The following RBM44 variants were observed in gnomAD, a reference collection of about 807,000 sequenced individuals.
RBM44 encodes the protein RNA-binding protein 44.
RBM44 carries 66 observed loss-of-function variants against 105.1 expected under a neutral mutation model. The observed-to-expected ratio is 0.63, with a 90% confidence interval of 0.52 to 0.77. The LOEUF is 0.77. RBM44 is among the 30% of genes least tolerant of loss of function. The pLI, the probability that RBM44 is intolerant of heterozygous loss-of-function variation, is 0.00. For synonymous variants in RBM44, 365 were observed against 417.6 expected (o/e 0.87, Z 1.54); for missense variants, 1,122 against 1,207.8 (o/e 0.93, Z 1.05).
chr2:237,823,460 T>A lies in RBM44; in HGVS notation c.2226T>A (p.Asn742Lys). The change falls in exon 9 of 16, where the codon AAT becomes AAA. Residue 742 changes from asparagine to lysine, a missense_variant. Asn to Lys is a moderately conservative substitution (Grantham distance 94). This residue lies in a region of RBM44 where 918 missense variants were observed against 955.3 expected (regional missense o/e 0.96). Transcript: ENST00000316997. ...CTCAGATGTCTTTATCATCTGACAA[T>A]AGTCATGCTACACAAAACATATCAC... Reference protein sequence around the residue: ...TLSQMSLSSDNSHATQNISPK... With the variant: ...TLSQMSLSSDKSHATQNISPK... 1 of 1,500,980 alleles carries A rather than the reference T, an allele frequency of 6.7e-7. No homozygotes were observed. Among genetic ancestry groups the A allele is most frequent in the Non-Finnish European group, 9.1e-7 (1 of 1,102,464 alleles). The allele number at this position is 1,500,980 out of a possible 1,614,324, so 93.0% of individuals were successfully genotyped here. A position where few individuals can be genotyped will look rare whatever the true frequency, so the allele number is the denominator to read the frequency against.
At chr2:237,816,889 T>C in intron 2 of RBM44, 104 bp from the exon 3 acceptor site, 1 of 671,314 alleles carries the variant, frequency 1.5e-6, no homozygotes. Context: ...ATGTAAATTG[T>C]AATCCCGCAT....
At chr2:237,837,653 A>G (rs1253834504) in intron 15 of RBM44, among the ~76,000 whole-genome samples, 1 of 151,828 alleles carries the variant, frequency 6.6e-6, no homozygotes, top group Non-Finnish European at 1.5e-5. Flanking sequence ...GTGGATAAGC[A>G]AAGAAAGTGC....
chr2:237,836,295 A>G (rs565475967), intron 15 of RBM44, among the ~76,000 whole-genome samples: 3 of 152,128 alleles, frequency 2.0e-5, no homozygotes, highest in Admixed American at 6.5e-5. Flanking sequence ...TGTTTATAGC[A>G]TGGAGGTTTT....
rs1202366579 is a variant in RBM44, at chr2:237,841,138, T to A, written c.*23-701T>A. ...TGCATGTGCATATTTATCACAGCAC[T>A]ATTCACAATAGCAGAGACATGAAAT... is the stretch of plus-strand genomic sequence containing the variant. On this transcript the variant is annotated intron_variant, in intron 15 of 15. Coordinates refer to ENST00000316997, the MANE Select transcript of RBM44 (RefSeq NM_001080504.3). The surrounding 1 kb of genome is among the most constrained non-coding windows in gnomAD (Gnocchi z 4.5). Among the ~76,000 whole-genome samples the A allele has an allele frequency of 6.6e-6, 1 of 152,230 alleles. No homozygotes were observed. Among genetic ancestry groups the A allele is most frequent in the Non-Finnish European group, 1.5e-5 (1 of 68,046 alleles).
rs1397979438 is a variant in RBM44, at chr2:237,820,156, C to T, written c.1737-19C>T. On this transcript the variant is annotated intron_variant, in intron 4 of 15. Coordinates refer to ENST00000316997, the MANE Select transcript of RBM44 (RefSeq NM_001080504.3). ...AAAATGTTTGGAATCTTACCTGATCCTATCTTTTATTTTTAAAGGGAATTT... is the reference window on the plus strand; with the variant it reads ...AAAATGTTTGGAATCTTACCTGATCTTATCTTTTATTTTTAAAGGGAATTT... The T allele has an allele frequency of 7.5e-7, 1 of 1,333,720 alleles. No individual in the cohort carries two copies. The highest frequency in any genetic ancestry group is 1.0e-6 in the Non-Finnish European group (1 of 992,896). 82.6% of individuals were successfully genotyped at this position (1,333,720 alleles called of 1,614,324 possible).
intron 13 of RBM44, 141 bp from the exon 14 acceptor site, chr2:237,833,856 C>T (rs933810896): frequency 4.6e-6 from 2 of 431,750 alleles, no homozygotes; most frequent in Middle Eastern, 7.0e-4. Flanking sequence ...TTGGTATAAA[C>T]AATCCCAAGT....
At chr2:237,837,840 A>G (rs2061975053) in intron 15 of RBM44, among the ~76,000 whole-genome samples, 1 of 151,420 alleles carries the variant, frequency 6.6e-6, no homozygotes, top group Non-Finnish European at 1.5e-5. Flanking sequence ...GCAGTCTACT[A>G]CTGGTGAACA....
At position 237,834,077 on chromosome 2, in the gene RBM44, A is replaced by G; in HGVS notation, c.2967A>G (p.Thr989=). The stretch of plus-strand genomic sequence containing the variant: ...CCGTTCAATTCATACCTCCAAATAC[A>G]TTGAACCTTCGTAGCTTTACCAAGA... ...DTPVQFIPPN[T]LNLRSFTKII... The change falls in exon 14 of 16, where the codon ACA becomes ACG. Residue 989 remains threonine (T), a synonymous_variant. Coordinates refer to ENST00000316997, the MANE Select transcript of RBM44 (RefSeq NM_001080504.3). 6.3e-7 allele frequency: 1 copy of G among 1,582,726 alleles called. No homozygotes were observed. The highest frequency in any genetic ancestry group is 8.6e-7 in the Non-Finnish European group (1 of 1,162,294).
rs376580751 is a variant in RBM44 at position 237,817,618 on chromosome 2, A to C, written c.699A>C (p.Glu233Asp). Residue 233 changes from glutamate (E) to aspartate (D), a missense_variant, in exon 3 of 16, where the codon GAA becomes GAC. Transcript: ENST00000316997. ...GYEVKCASNVEDNRVNSGSGS... is the reference protein window; with the variant it reads ...GYEVKCASNVDDNRVNSGSGS... ...AAGTTAAATGTGCTAGCAATGTAGA[A>C]GATAATCGTGTTAACTCGGGAAGTG... The C allele has an allele frequency of 1.5e-4, 242 of 1,612,920 alleles. No individual in the cohort carries two copies. Among genetic ancestry groups the C allele is most frequent in the Non-Finnish European group, 1.9e-4 (225 of 1,179,460 alleles).
rs146944399 is a variant in RBM44 at position 237,800,749 on chromosome 2, G to T, written c.-19+1888G>T. 1.9e-4 allele frequency among the ~76,000 whole-genome samples: 28 copies of T among 144,484 alleles called. No individual in the cohort carries two copies. In the East Asian group the frequency reaches 5.7e-3, roughly 30 times the overall value. 94.8% of individuals were successfully genotyped at this position (144,484 alleles called of 152,430 possible). On this transcript the variant is annotated intron_variant, in intron 1 of 15. Coordinates refer to ENST00000316997, the MANE Select transcript of RBM44 (RefSeq NM_001080504.3). ...ATCCTTTTTTTTTTTTTTTTGAGGC[G>T]GAGTTTCACTCTTGTTTCCCAGGCT... is the stretch of plus-strand genomic sequence containing the variant.
chr2:237,809,497 A>AT (rs2061635044), intron 1 of RBM44, among the ~76,000 whole-genome samples: 1 of 151,992 alleles, frequency 6.6e-6, no homozygotes. Flanking sequence ...TCAATATTCC[A>AT]TGTCTGCATC....
chr2:237,802,065 C>T (rs2061551410), intron 1 of RBM44, among the ~76,000 whole-genome samples: 1 of 152,096 alleles, frequency 6.6e-6, no homozygotes, highest in African/African-American at 2.4e-5. Flanking sequence ...TACATTTTAT[C>T]CTTTCAGTCA....
intron 1 of RBM44, among the ~76,000 whole-genome samples, chr2:237,812,585 T>C (rs948755623): frequency 6.6e-6 from 1 of 152,198 alleles, no homozygotes; most frequent in Non-Finnish European, 1.5e-5. Context: ...TCAGGATCAG[T>C]GATTGAAATA....
At chr2:237,816,537 G>A (rs1484102959) in intron 2 of RBM44, among the ~76,000 whole-genome samples, 2 of 152,072 alleles carry the variant, frequency 1.3e-5, no homozygotes, top group African/African-American at 4.8e-5. Flanking sequence ...TATAGTGAGT[G>A]GCTTAAACAA....
rs923119692 is a variant in RBM44 at position 237,798,829 on chromosome 2, C to G, written c.-51C>G. ...AGAGCGGGGCGCTGGCCCGTGGAGG[C>G]GGCAGCGGCGGCGGCTTTCTAGCGG... On this transcript the variant is annotated 5_prime_UTR_variant, in exon 1 of 16. Coordinates refer to ENST00000316997, the MANE Select transcript of RBM44 (RefSeq NM_001080504.3). The surrounding 1 kb of genome is among the most constrained non-coding windows in gnomAD (Gnocchi z 4.3). The G allele has an allele frequency of 7.2e-5, 11 of 153,058 alleles. No individual in the cohort carries two copies. Among genetic ancestry groups the G allele is most frequent in the African/African-American group, 2.4e-4 (10 of 41,456 alleles). The allele number at this position is 153,058 out of a possible 1,614,324, so 9.5% of individuals were successfully genotyped here.
At chr2:237,836,925 C>G (rs1445505000) in intron 15 of RBM44, among the ~76,000 whole-genome samples, 1 of 152,054 alleles carries the variant, frequency 6.6e-6, no homozygotes, top group Non-Finnish European at 1.5e-5. Flanking sequence ...GCCACTGAGC[C>G]CAGCCTGCAG....
chr2:237,824,154 T>A, intron 9 of RBM44, 137 bp from the exon 10 acceptor site: 1 of 649,092 alleles, frequency 1.5e-6, no homozygotes, highest in Admixed American at 3.9e-5. Context: ...TCTCTTATTT[T>A]GCTAATATTT....
At chr2:237,838,118 C>T (rs2061977617) in intron 15 of RBM44, among the ~76,000 whole-genome samples, 1 of 152,108 alleles carries the variant, frequency 6.6e-6, no homozygotes, top group Non-Finnish European at 1.5e-5. Context: ...CAGCCTTCAG[C>T]ATGACATGAG....
In RBM44 at chr2:237,817,522, A is replaced by G. The variant is rs1428227895; in HGVS notation, c.603A>G (p.Leu201=). ...AEEQEYISNH[L]SFDQTKALDI... ...AACAAGAATACATAAGTAACCATTT[A>G]TCTTTTGACCAAACAAAAGCATTAG... The change falls in exon 3 of 16, where the codon TTA becomes TTG. Residue 201 remains leucine (L), a synonymous_variant. Coordinates refer to ENST00000316997, the MANE Select transcript of RBM44 (RefSeq NM_001080504.3). 4.3e-6 allele frequency: 7 copies of G among 1,609,330 alleles called. No individual in the cohort carries two copies. The highest frequency in any genetic ancestry group is 5.9e-6 in the Non-Finnish European group (7 of 1,177,458).
Sources: gnomAD v4.1 joint callset for allele counts (sites outside exome capture counted in the v4.1 genomes callset) on GRCh38, gnomAD v4.1.1 for gene constraint, gnomAD v4.1.1 regional missense constraint, Gnocchi (gnomAD v3.1) non-coding constraint, MANE v1.5 for transcripts, NCBI Gene and HGNC (gene_info 2026-07-23, HGNC 2026-07-21) for gene names.